TMEM132C: variants seen among roughly 807,000 people sequenced by gnomAD.
The protein encoded by TMEM132C is transmembrane protein 132C.
In TMEM132C, 29 loss-of-function variants were observed where a neutral mutation model predicts 61.4. That is an observed-to-expected ratio of 0.47 (90% CI 0.35 to 0.64). The LOEUF (loss-of-function observed/expected upper bound fraction) is 0.64, where lower values mean the gene tolerates loss of function less well. TMEM132C is among the 30% of genes least tolerant of loss of function. The probability of loss-of-function intolerance (pLI) is 0.00; values close to 1 mark genes in which losing one functional copy is unlikely to be tolerated. For synonymous variants in TMEM132C, 656 were observed against 633.1 expected (o/e 1.04, Z -0.54); for missense variants, 1,408 against 1,476.9 (o/e 0.95, Z 0.76).
chr12:128,295,773 TAAAAA>T (rs369608460), intron 1 of TMEM132C, among the ~76,000 whole-genome samples: 1 of 146,600 alleles, frequency 6.8e-6, no homozygotes, highest in African/African-American at 2.5e-5. Context: ...AAGCACCAAT[TAAAAA>T]AAAAAAACCT....
intron 1 of TMEM132C, among the ~76,000 whole-genome samples, chr12:128,331,012 C>T (rs1026454344): frequency 2.0e-5 from 3 of 152,066 alleles, no homozygotes; most frequent in Non-Finnish European, 4.4e-5. Context: ...TTTTATCCAA[C>T]AATAAAAGAA....
intron 1 of TMEM132C, among the ~76,000 whole-genome samples, chr12:128,400,469 G>A (rs1466687733): frequency 6.6e-6 from 1 of 152,176 alleles, no homozygotes; most frequent in Non-Finnish European, 1.5e-5. Flanking sequence ...TCCCAGCCCA[G>A]CACAGTGATC....
chr12:128,543,786 G>A (rs1034526851), intron 2 of TMEM132C, among the ~76,000 whole-genome samples, 171 bp from the exon 3 acceptor site: 6 of 152,014 alleles, frequency 3.9e-5, no homozygotes, highest in East Asian at 1.9e-4. Flanking sequence ...GGCAGATCCC[G>A]CTCGCCCTGC....
At chr12:128,473,195 C>G (rs1439683976) in intron 2 of TMEM132C, among the ~76,000 whole-genome samples, 2 of 149,268 alleles carry the variant, frequency 1.3e-5, no homozygotes, top group Admixed American at 1.3e-4. Context: ...TTCACTCCAG[C>G]CACTATCTTC....
rs147756896 is a variant in TMEM132C at position 128,537,646 on chromosome 12, G to A, written c.975-6311G>A. On this transcript the variant is annotated intron_variant, in intron 2 of 8. Coordinates refer to ENST00000435159, the MANE Select transcript of TMEM132C (RefSeq NM_001136103.3). ...AGACCAGTTACAGGATTCGAGGAAG[G>A]TGTGACTATGAAGGGGGCACATGAA... 1.2e-3 allele frequency among the ~76,000 whole-genome samples: 180 copies of A among 152,344 alleles called. 1 individual carries two copies. Among genetic ancestry groups the A allele is most frequent in the African/African-American group, 3.9e-3 (164 of 41,568 alleles).
intron 1 of TMEM132C, among the ~76,000 whole-genome samples, chr12:128,316,263 G>T (rs1250068440): frequency 6.6e-6 from 1 of 152,094 alleles, no homozygotes; most frequent in African/African-American, 2.4e-5. Context: ...ACAGTCAGGC[G>T]GCTCCAAGTG....
chr12:128,551,209 G>GCCCCCCCCCC (rs377410290), intron 3 of TMEM132C, among the ~76,000 whole-genome samples: 1 of 147,118 alleles, frequency 6.8e-6, no homozygotes, highest in African/African-American at 2.7e-5. Context: ...AAACATAAGA[G>GCCCCCCCCCC]CCCCCCCCCT....
chr12:128,332,614 C>T (rs1206909109), intron 1 of TMEM132C, among the ~76,000 whole-genome samples: 2 of 152,222 alleles, frequency 1.3e-5, no homozygotes, highest in African/African-American at 4.8e-5. Flanking sequence ...CAGCCGTAGG[C>T]TCCTGCAGCA....
chr12:128,414,882 C>A lies in TMEM132C; in HGVS notation c.236C>A (p.Ala79Glu). 1 of 1,551,756 alleles carries A rather than the reference C, an allele frequency of 6.4e-7. No homozygotes were observed. Among genetic ancestry groups the A allele is most frequent in the South Asian group, 1.2e-5 (1 of 84,070 alleles). The change falls in exon 2 of 9, where the codon GCG becomes GAG. Residue 79 changes from alanine (A) to glutamate (E), a missense_variant. Coordinates refer to ENST00000435159, the MANE Select transcript of TMEM132C (RefSeq NM_001136103.3). ...QDLLRNSSLQARVESFFTYKT... is the reference protein window; with the variant it reads ...QDLLRNSSLQERVESFFTYKT... Reference sequence around the variant, plus strand: ...CTGCTGCGGAACTCCAGCCTGCAGGCGAGGGTGGAGTCCTTCTTTACCTAC... The same window carrying A: ...CTGCTGCGGAACTCCAGCCTGCAGGAGAGGGTGGAGTCCTTCTTTACCTAC...
chr12:128,682,328 A>C lies in TMEM132C; in HGVS notation c.1450-11501A>C, dbSNP rs192200662. ...TTGTCGCCTGATTGTTCCCTGTCCC[A>C]GCACCTCCTCTCCATTTCTAATGTG... On this transcript the variant is annotated intron_variant, in intron 5 of 8. Coordinates refer to ENST00000435159, the MANE Select transcript of TMEM132C (RefSeq NM_001136103.3). Among the ~76,000 whole-genome samples, 309 of 152,272 alleles carry C rather than the reference A, an allele frequency of 2.0e-3. 3 individuals are homozygous for C. The highest frequency in any genetic ancestry group is 6.2e-3 in the African/African-American group (259 of 41,558).
chr12:128,402,267 T>A (rs1360710215), intron 1 of TMEM132C, among the ~76,000 whole-genome samples: 1 of 152,146 alleles, frequency 6.6e-6, no homozygotes, highest in African/African-American at 2.4e-5. Flanking sequence ...CATGGGTATA[T>A]GTGAGGGATG....
intron 3 of TMEM132C, among the ~76,000 whole-genome samples, chr12:128,609,067 G>A (rs533672900): frequency 6.6e-6 from 1 of 151,986 alleles, no homozygotes; most frequent in South Asian, 2.1e-4. Context: ...GCAGTGCAGT[G>A]GCCAGATCTC....
intron 1 of TMEM132C, among the ~76,000 whole-genome samples, chr12:128,322,355 T>TG (rs1197468830): frequency 6.6e-6 from 1 of 152,246 alleles, no homozygotes; most frequent in African/African-American, 2.4e-5. Flanking sequence ...TAATACCATG[T>TG]GGAGCTGAGG....
At chr12:128,517,880 C>T (rs907649730) in intron 2 of TMEM132C, among the ~76,000 whole-genome samples, 16 of 152,032 alleles carry the variant, frequency 1.1e-4, no homozygotes, top group Admixed American at 3.3e-4. Context: ...CGTGTAATGC[C>T]GGGGAGGAAG....
At position 128,379,692 on chromosome 12, in the gene TMEM132C, C is replaced by T. The variant is rs150998952; in HGVS notation, c.86-35040C>T. ...CCTGTCATTGGATTAAGAGTCCATT[C>T]CAAATCCAGAATGCTCTCATCTCAA... On this transcript the variant is annotated intron_variant, in intron 1 of 8. Coordinates refer to ENST00000435159, the MANE Select transcript of TMEM132C (RefSeq NM_001136103.3). Among the ~76,000 whole-genome samples the T allele has an allele frequency of 1.4e-4, 22 of 152,328 alleles. No individual in the cohort carries two copies. The East Asian group carries it at 3.5e-3, about 24-fold the overall frequency.
At chr12:128,443,435 A>C (rs993544453) in intron 2 of TMEM132C, among the ~76,000 whole-genome samples, 4 of 152,180 alleles carry the variant, frequency 2.6e-5, no homozygotes, top group African/African-American at 9.7e-5. Flanking sequence ...AATTAATAAA[A>C]ATGTTTAAAA....
At chr12:128,518,993 T>C (rs534333668) in intron 2 of TMEM132C, among the ~76,000 whole-genome samples, 1 of 152,296 alleles carries the variant, frequency 6.6e-6, no homozygotes, top group Non-Finnish European at 1.5e-5. Context: ...CTTAGAAGGG[T>C]ATTTGGTGTG....
intron 1 of TMEM132C, among the ~76,000 whole-genome samples, chr12:128,392,689 G>T (rs1247565458): frequency 6.6e-6 from 1 of 152,044 alleles, no homozygotes; most frequent in Non-Finnish European, 1.5e-5. Context: ...TATTTCAGGG[G>T]TATCCAATCT....
At chr12:128,558,927 T>G (rs1000550167) in intron 3 of TMEM132C, among the ~76,000 whole-genome samples, 4 of 152,238 alleles carry the variant, frequency 2.6e-5, no homozygotes, top group African/African-American at 9.6e-5. Flanking sequence ...TAATCTTGAT[T>G]TATTTGGGGG....
Sources: gnomAD v4.1 joint callset for allele counts (sites outside exome capture counted in the v4.1 genomes callset) on GRCh38, gnomAD v4.1.1 for gene constraint, MANE v1.5 for transcripts, NCBI Gene and HGNC (gene_info 2026-07-23, HGNC 2026-07-21) for gene names.